Variants in SCAF4 observed in about 807,000 individuals in gnomAD.
SCAF4 encodes SR-related CTD associated factor 4, also known as SR-related and CTD-associated factor 4.
Under a neutral mutation model 129.8 loss-of-function variants are expected in SCAF4, and 25 were observed. That is an observed-to-expected ratio of 0.19 (90% confidence interval 0.14 to 0.27). SCAF4 has a LOEUF of 0.27. Ranked by LOEUF, SCAF4 falls within the 10% of genes least tolerant of loss-of-function variation. The pLI is 1.00. For missense variants in SCAF4, 1,246 were observed against 1,457.1 expected (o/e 0.86, Z 2.36); for synonymous variants, 551 against 497.7 (o/e 1.11, Z -1.43).
chr21:31,728,921 G>A (rs562894025), intron 1 of SCAF4, among the ~76,000 whole-genome samples: 3 of 152,216 alleles, frequency 2.0e-5, no homozygotes, highest in African/African-American at 7.2e-5. Context: ...CACTCTCTCA[G>A]CCCTTAGGAT....
In SCAF4 at chr21:31,724,881, A is replaced by G. The variant is rs550471535; in HGVS notation, c.30+6782T>C. On this transcript the variant is annotated intron_variant, in intron 1 of 19. Transcript: ENST00000286835. ...GTTCATGTAATTTTTTCTGAAACAGAATACTAGACAAAATGATAGACTAGG... is the reference window on the plus strand; with the variant it reads ...GTTCATGTAATTTTTTCTGAAACAGGATACTAGACAAAATGATAGACTAGG... Among the ~76,000 whole-genome samples the G allele has an allele frequency of 3.9e-5, 6 of 152,356 alleles. No homozygotes were observed. The East Asian group carries it at 1.2e-3, about 29-fold the overall frequency.
At position 31,690,044 on chromosome 21, in the gene SCAF4, TC is replaced by T. The variant is rs1023113238; in HGVS notation, c.1885+752del. ...GTCATGCCCATGCATTCTGTGATTT[TC>T]CCCCCTGCAATCTCACTGTCAATCT... On this transcript the variant is annotated intron_variant, in intron 15 of 19. Transcript: ENST00000286835. Among the ~76,000 whole-genome samples, 47 of 152,182 alleles carry T rather than the reference TC, an allele frequency of 3.1e-4. 2 individuals carry two copies. The highest frequency in any genetic ancestry group is 5.9e-5 in the Non-Finnish European group (4 of 68,034).
At chr21:31,683,444 A>T (rs76500467) in intron 19 of SCAF4, among the ~76,000 whole-genome samples, 1 of 152,220 alleles carries the variant, frequency 6.6e-6, no homozygotes, top group Non-Finnish European at 1.5e-5. Context: ...CTAAATGTTA[A>T]ATCACAGGCA....
chr21:31,689,596 C>T (rs2050210331), intron 15 of SCAF4, among the ~76,000 whole-genome samples: 1 of 150,550 alleles, frequency 6.6e-6, no homozygotes, highest in Admixed American at 6.6e-5. Context: ...AGGCATGAGC[C>T]ACCGTGCCTG....
chr21:31,671,541 C>T lies in SCAF4; in HGVS notation c.3302G>A (p.Gly1101Glu), dbSNP rs776175845. 6 of 1,614,050 alleles carry T rather than the reference C, an allele frequency of 3.7e-6. No individual in the cohort carries two copies. The South Asian group carries it at 6.6e-5, about 18-fold the overall frequency. Residue 1101 changes from glycine to glutamate, a missense_variant, in exon 20 of 20, where the codon GGA (glycine) becomes GAA (glutamate). Coordinates refer to ENST00000286835, the MANE Select transcript of SCAF4 (RefSeq NM_020706.2). ...KTVEPPISQVGNVDTASELEK... is the reference protein window; with the variant it reads ...KTVEPPISQVENVDTASELEK... ...AAGTTCTGAAGCAGTGTCTACATTT[C>T]CCACTTGGCTAATGGGAGGTTCAAC...
At chr21:31,717,372 A>G (rs2050943829) in intron 1 of SCAF4, among the ~76,000 whole-genome samples, 1 of 152,194 alleles carries the variant, frequency 6.6e-6, no homozygotes, top group Non-Finnish European at 1.5e-5. Context: ...GGAGAAAAAA[A>G]GACAAAGGAA....
intron 1 of SCAF4, among the ~76,000 whole-genome samples, chr21:31,709,869 A>G (rs1051934574): frequency 7.4e-5 from 11 of 149,654 alleles, no homozygotes; most frequent in Non-Finnish European, 1.2e-4. Context: ...AAAAAAAAAA[A>G]GGGTCATATC....
At chr21:31,718,791 A>G (rs545548726) in intron 1 of SCAF4, among the ~76,000 whole-genome samples, 4 of 152,256 alleles carry the variant, frequency 2.6e-5, no homozygotes, top group Non-Finnish European at 5.9e-5. Flanking sequence ...ATTCAAATTC[A>G]AAATTTTCAT....
intron 1 of SCAF4, among the ~76,000 whole-genome samples, chr21:31,709,122 C>T (rs1269840393): frequency 6.6e-6 from 1 of 152,140 alleles, no homozygotes; most frequent in Non-Finnish European, 1.5e-5. Flanking sequence ...TTCCTGATCC[C>T]TTCTCCTCAT....
chr21:31,684,694 GA>G (rs1329162093), intron 19 of SCAF4: 1 of 244,358 alleles, frequency 4.1e-6, no homozygotes, highest in Non-Finnish European at 8.0e-6. Context: ...GCTGGGAAGA[GA>G]CTAAGGTTAA....
At chr21:31,709,768 A>G (rs2050755696) in intron 1 of SCAF4, among the ~76,000 whole-genome samples, 1 of 152,036 alleles carries the variant, frequency 6.6e-6, no homozygotes, top group Non-Finnish European at 1.5e-5. Context: ...TTTACCAGGC[A>G]GCAATGAGTT....
chr21:31,706,493 G>C (rs1455075022), intron 1 of SCAF4, 136 bp from the exon 2 acceptor site: 1 of 626,010 alleles, frequency 1.6e-6, no homozygotes, highest in Non-Finnish European at 2.8e-6. Context: ...TAGCAGCTAG[G>C]GCAGCAGGAA....
Position 31,671,567 on chromosome 21 carries a change from G to A in SCAF4, c.3276C>T (p.Thr1092=). Residue 1092 remains threonine, a synonymous_variant, in exon 20 of 20, where the codon ACC becomes ACT. Coordinates refer to ENST00000286835, the MANE Select transcript of SCAF4 (RefSeq NM_020706.2). ...EVTDRAGGNK[T]VEPPISQVGN... is the part of the protein sequence containing the mutation. Reference sequence around the variant, plus strand: ...CCACTTGGCTAATGGGAGGTTCAACGGTTTTGTTACCACCTGCCCTGTCTG... The same window carrying A: ...CCACTTGGCTAATGGGAGGTTCAACAGTTTTGTTACCACCTGCCCTGTCTG... 1.2e-6 allele frequency: 2 copies of A among 1,614,086 alleles called. No individual in the cohort carries two copies. The highest frequency in any genetic ancestry group is 8.5e-7 in the Non-Finnish European group (1 of 1,179,974).
At chr21:31,689,605 T>C (rs2050210679) in intron 15 of SCAF4, among the ~76,000 whole-genome samples, 1 of 150,174 alleles carries the variant, frequency 6.7e-6, no homozygotes, top group African/African-American at 2.4e-5. Flanking sequence ...CCACCGTGCC[T>C]GGCCTTGAAG....
chr21:31,694,249 C>A lies in SCAF4; in HGVS notation c.1277G>T (p.Arg426Leu). The change falls in exon 11 of 20, where the codon CGA becomes CTA. Residue 426 changes from arginine to leucine, a missense_variant. Arg to Leu is a moderately radical substitution (Grantham distance 102, BLOSUM62 -2). This residue lies in a region of SCAF4 where 236 missense variants were observed against 210.0 expected (regional missense o/e 1.12). Transcript: ENST00000286835. ...VEQPCIQEVK[R>L]HMSDNRKSRS... ...TGACTTTCTGTTATCAGACATATGT[C>A]GCTTAACCTCTTGAATACAAGGTTG... 6.2e-7 allele frequency: 1 copy of A among 1,609,276 alleles called. No individual in the cohort carries two copies. Among genetic ancestry groups the A allele is most frequent in the South Asian group, 1.1e-5 (1 of 90,712 alleles).
In SCAF4 at chr21:31,675,389, C is replaced by T. The variant is rs1216236720; in HGVS notation, c.2489-3035G>A. Reference sequence around the variant, plus strand: ...AAGGCCCCTCGAGAGTAGTTAGGCACTTATTCGGAGAATCCAGCAGTGACA... The same window carrying T: ...AAGGCCCCTCGAGAGTAGTTAGGCATTTATTCGGAGAATCCAGCAGTGACA... On this transcript the variant is annotated intron_variant, in intron 19 of 19. Transcript: ENST00000286835. 2.0e-5 allele frequency among the ~76,000 whole-genome samples: 3 copies of T among 152,146 alleles called. No individual in the cohort carries two copies. The East Asian group carries it at 5.8e-4, about 29-fold the overall frequency.
chr21:31,677,076 C>A (rs371242047), intron 19 of SCAF4, among the ~76,000 whole-genome samples: 127 of 152,136 alleles, frequency 8.3e-4, no homozygotes, highest in African/African-American at 2.7e-3. Context: ...ATTTTAGTTA[C>A]CCTAGTTGGC....
chr21:31,702,593 C>T (rs2050561189), intron 4 of SCAF4, among the ~76,000 whole-genome samples: 1 of 151,706 alleles, frequency 6.6e-6, no homozygotes, highest in Non-Finnish European at 1.5e-5. Flanking sequence ...CAGAGATGGA[C>T]TATAGACCCA....
In SCAF4 at chr21:31,672,318, A is replaced by G. The variant is rs2049729750; in HGVS notation, c.2525T>C (p.Leu842Pro). Residue 842 changes from leucine (L) to proline (P), a missense_variant, in exon 20 of 20, where the codon CTT becomes CCT. Transcript: ENST00000286835. ...QGVAPGPVIG[L>P]QAPSTGLLGA... ...AAGAAGACCAGTAGATGGTGCCTGA[A>G]GTCCAATTACAGGACCAGGGGCAAC... The G allele has an allele frequency of 6.2e-7, 1 of 1,613,714 alleles. No individual in the cohort carries two copies. Among genetic ancestry groups the G allele is most frequent in the African/African-American group, 1.3e-5 (1 of 74,938 alleles).
Sources: gnomAD v4.1 joint callset for allele counts (sites outside exome capture counted in the v4.1 genomes callset) on GRCh38, gnomAD v4.1.1 for gene constraint, gnomAD v4.1.1 regional missense constraint, MANE v1.5 for transcripts, NCBI Gene and HGNC (gene_info 2026-07-23, HGNC 2026-07-21) for gene names.